SLAMF6: variants seen among roughly 807,000 people sequenced by gnomAD.
The protein encoded by SLAMF6 is NK-T-B-antigen.
A neutral mutation model predicts 38.3 loss-of-function variants in SLAMF6; 21 were observed. The observed-to-expected ratio is 0.55, with a 90% CI of 0.39 to 0.79. The LOEUF (loss-of-function observed/expected upper bound fraction) is 0.79. Ranked by LOEUF, SLAMF6 falls within the 30% of genes least tolerant of loss-of-function variation. The probability of loss-of-function intolerance (pLI) is 0.00; values close to 1 mark genes in which losing one functional copy is unlikely to be tolerated. For missense variants in SLAMF6, 341 were observed against 385.3 expected, an observed-to-expected ratio of 0.89 and a Z score of 0.96; for synonymous variants, 152 against 146.3, an observed-to-expected ratio of 1.04 and a Z score of -0.28.
intron 1 of SLAMF6, among the ~76,000 whole-genome samples, chr1:160,504,041 G>GAA (rs11433195): frequency 2.9e-4 from 40 of 137,632 alleles, no homozygotes; most frequent in Non-Finnish European, 4.7e-4. Context: ...AAAAGCAAAA[G>GAA]AAAAAAAGGA....
At chr1:160,512,688 A>G (rs966238917) in intron 1 of SLAMF6, among the ~76,000 whole-genome samples, 2 of 151,978 alleles carry the variant, frequency 1.3e-5, no homozygotes, top group African/African-American at 4.8e-5. Context: ...TGCAGCCTCC[A>G]CTGGTGACAC....
intron 3 of SLAMF6, 139 bp downstream of exon 3, chr1:160,490,986 A>C: frequency 9.2e-7 from 1 of 1,092,324 alleles, no homozygotes; most frequent in Non-Finnish European, 1.3e-6. Flanking sequence ...AGAGATGCAG[A>C]GCTCCAGAGG....
rs559124781 is a variant in SLAMF6 at position 160,517,698 on chromosome 1, T to C, written c.49+5446A>G. Among the ~76,000 whole-genome samples the C allele has an allele frequency of 9.2e-5, 14 of 152,284 alleles. No homozygotes were observed. In the East Asian group the frequency reaches 2.7e-3, roughly 29 times the overall value. ...ATCAAAAGGAATGAGATCATGTCCT[T>C]TGCAGGAATGTGGATGAAGCTGGAA... On this transcript the variant is annotated intron_variant, in intron 1 of 7. Transcript: ENST00000368057.
intron 1 of SLAMF6, among the ~76,000 whole-genome samples, chr1:160,515,287 T>C (rs1654683529): frequency 6.6e-6 from 1 of 152,154 alleles, no homozygotes; most frequent in Admixed American, 6.5e-5. Flanking sequence ...CCTGGACACA[T>C]ACACCCTCCC....
intron 1 of SLAMF6, among the ~76,000 whole-genome samples, chr1:160,521,686 A>C (rs775481957): frequency 6.6e-6 from 1 of 152,024 alleles, no homozygotes; most frequent in Non-Finnish European, 1.5e-5. Flanking sequence ...CCTAGTCCTA[A>C]GTTCCCAGGA....
intron 1 of SLAMF6, among the ~76,000 whole-genome samples, chr1:160,502,994 G>A (rs1028244761): frequency 6.6e-6 from 1 of 152,108 alleles, no homozygotes; most frequent in African/African-American, 2.4e-5. Context: ...CTTAAGATAT[G>A]GTGAAAGGGA....
At chr1:160,509,987 A>T in intron 1 of SLAMF6, among the ~76,000 whole-genome samples, 1 of 152,142 alleles carries the variant, frequency 6.6e-6, no homozygotes, top group Non-Finnish European at 1.5e-5. Flanking sequence ...ACTATATGCC[A>T]ACAAATTGAA....
At chr1:160,513,420 A>T (rs548709653) in intron 1 of SLAMF6, among the ~76,000 whole-genome samples, 2 of 152,222 alleles carry the variant, frequency 1.3e-5, no homozygotes, top group African/African-American at 4.8e-5. Context: ...GGTGAATGAA[A>T]CAAAGTTGGA....
chr1:160,494,547 G>T (rs1653470194), intron 2 of SLAMF6, among the ~76,000 whole-genome samples: 1 of 152,082 alleles, frequency 6.6e-6, no homozygotes, highest in African/African-American at 2.4e-5. Flanking sequence ...GGAAAAAAAG[G>T]GTCTTTGCAG....
At chr1:160,500,470 T>C (rs890310726) in intron 1 of SLAMF6, among the ~76,000 whole-genome samples, 1 of 152,190 alleles carries the variant, frequency 6.6e-6, no homozygotes, top group African/African-American at 2.4e-5. Flanking sequence ...TTTGCCTCCA[T>C]AAAGTCATTA....
chr1:160,490,348 A>G (rs1653219380), intron 4 of SLAMF6, 112 bp from the exon 5 acceptor site: 1 of 1,525,762 alleles, frequency 6.6e-7, no homozygotes. Flanking sequence ...AGGAAGGGCA[A>G]GCAGCCCTGA....
In SLAMF6 at chr1:160,506,574, T is replaced by C. The variant is rs529888734; in HGVS notation, c.50-10181A>G. Among the ~76,000 whole-genome samples the C allele has an allele frequency of 7.9e-5, 12 of 152,298 alleles. No homozygotes were observed. In the South Asian group the frequency reaches 1.2e-3, roughly 16 times the overall value. On this transcript the variant is annotated intron_variant, in intron 1 of 7. Transcript: ENST00000368057. ...CACACTAGAAAGTAACTCAAATCCCTACCAAGAAACAAAGAATGAAGGTAA... is the reference window on the plus strand; with the variant it reads ...CACACTAGAAAGTAACTCAAATCCCCACCAAGAAACAAAGAATGAAGGTAA...
At chr1:160,516,938 A>G (rs768891706) in intron 1 of SLAMF6, among the ~76,000 whole-genome samples, 5 of 152,236 alleles carry the variant, frequency 3.3e-5, no homozygotes, top group Non-Finnish European at 7.3e-5. Flanking sequence ...GCCATTCAGG[A>G]CATAGGCATG....
intron 1 of SLAMF6, among the ~76,000 whole-genome samples, chr1:160,510,860 C>A (rs1654435699): frequency 6.6e-6 from 1 of 152,076 alleles, no homozygotes; most frequent in Non-Finnish European, 1.5e-5. Context: ...CAAAAATGAT[C>A]AGAGCTAATA....
intron 5 of SLAMF6, 89 bp downstream of exon 5, chr1:160,490,109 A>G: frequency 7.0e-7 from 1 of 1,434,072 alleles, no homozygotes; most frequent in Non-Finnish European, 9.8e-7. Context: ...TTCCTCTGTC[A>G]TTATCCAGCC....
intron 1 of SLAMF6, among the ~76,000 whole-genome samples, chr1:160,512,420 CT>C (rs969742052): frequency 1.3e-5 from 2 of 152,190 alleles, no homozygotes; most frequent in African/African-American, 4.8e-5. Context: ...CAGACTTAGT[CT>C]TTTCCCCTGC....
chr1:160,497,027 A>G (rs187451352), intron 1 of SLAMF6, among the ~76,000 whole-genome samples: 19 of 152,330 alleles, frequency 1.2e-4, no homozygotes, highest in Admixed American at 9.1e-4. Flanking sequence ...TTGCACAGCT[A>G]AAGAATAGCA....
intron 2 of SLAMF6, among the ~76,000 whole-genome samples, chr1:160,491,931 C>T (rs1181015891): frequency 6.6e-6 from 1 of 151,976 alleles, no homozygotes; most frequent in African/African-American, 2.4e-5. Context: ...AAGCTGGCTC[C>T]AATAGTGAGA....
Position 160,486,706 on chromosome 1 carries a change from C to CT in SLAMF6, c.999dup. ...GAATTCCTCTGAGGCCTTTCAGCAA[C>CT]TTACACGACATTGTCAAGGGCAGTT... On this transcript the variant is annotated 3_prime_UTR_variant, in exon 8 of 8. Coordinates refer to ENST00000368057, the MANE Select transcript of SLAMF6 (RefSeq NM_001184714.2). 1 of 1,613,776 alleles carries CT rather than the reference C, an allele frequency of 6.2e-7. No homozygotes were observed. Among genetic ancestry groups the CT allele is most frequent in the Non-Finnish European group, 8.5e-7 (1 of 1,179,772 alleles).
Sources: gnomAD v4.1 joint callset for allele counts (sites outside exome capture counted in the v4.1 genomes callset) on GRCh38, gnomAD v4.1.1 for gene constraint, MANE v1.5 for transcripts, NCBI Gene and HGNC (gene_info 2026-07-23, HGNC 2026-07-21) for gene names.